CNBD1: variants seen among roughly 807,000 people sequenced by gnomAD.
CNBD1 encodes the protein cyclic nucleotide binding domain containing 1, also known as cyclic nucleotide-binding domain-containing protein 1.
In CNBD1, 71 loss-of-function variants were observed where a neutral mutation model predicts 54.4. The ratio of observed to expected loss-of-function variants is 1.30; its 90% CI spans 1.08 to 1.59. The LOEUF (loss-of-function observed/expected upper bound fraction) is 1.59. CNBD1 is among the 40% of genes most tolerant of loss of function. CNBD1 has a pLI of 0.00. For synonymous variants in CNBD1, 182 were observed against 170.7 expected (o/e 1.07, Z -0.51); for missense variants, 659 against 518.0 (o/e 1.27, Z -2.64).
At chr8:86,880,267 A>C (rs1011437539) in intron 1 of CNBD1, among the ~76,000 whole-genome samples, 1 of 152,194 alleles carries the variant, frequency 6.6e-6, no homozygotes, top group Non-Finnish European at 1.5e-5. Context: ...CAGGAGACAC[A>C]CAGTCAGTCT....
At chr8:87,016,254 C>A (rs1222856180) in intron 4 of CNBD1, among the ~76,000 whole-genome samples, 1 of 151,206 alleles carries the variant, frequency 6.6e-6, no homozygotes, top group Non-Finnish European at 1.5e-5. Flanking sequence ...ATGTTTAAAC[C>A]TTCAGGATTT....
At chr8:87,050,729 G>C (rs190912251) in intron 4 of CNBD1, among the ~76,000 whole-genome samples, 1 of 152,150 alleles carries the variant, frequency 6.6e-6, no homozygotes, top group African/African-American at 2.4e-5. Context: ...CAATTAATTC[G>C]AACCACAGCC....
intron 4 of CNBD1, among the ~76,000 whole-genome samples, chr8:87,081,052 T>G (rs901855216): frequency 2.6e-5 from 4 of 152,110 alleles, no homozygotes; most frequent in Non-Finnish European, 5.9e-5. Flanking sequence ...GTTTTGTGTT[T>G]AATTTGCTCT....
intron 4 of CNBD1, among the ~76,000 whole-genome samples, chr8:87,196,993 G>A (rs1462249441): frequency 6.6e-6 from 1 of 152,112 alleles, no homozygotes; most frequent in East Asian, 1.9e-4. Context: ...AGCTGGAATT[G>A]GGTCTAGAAA....
At chr8:87,164,804 C>G (rs1185615794) in intron 4 of CNBD1, among the ~76,000 whole-genome samples, 2 of 151,734 alleles carry the variant, frequency 1.3e-5, no homozygotes, top group Non-Finnish European at 2.9e-5. Context: ...ATTTATTACT[C>G]TCTTCCTTCT....
intron 5 of CNBD1, among the ~76,000 whole-genome samples, chr8:87,222,476 T>G (rs1487322347): frequency 6.6e-6 from 1 of 152,114 alleles, no homozygotes; most frequent in African/African-American, 2.4e-5. Context: ...GGAGGCCTGT[T>G]AATTAGGTTG....
At chr8:87,320,880 G>A (rs1006131279) in intron 8 of CNBD1, among the ~76,000 whole-genome samples, 1 of 151,830 alleles carries the variant, frequency 6.6e-6, no homozygotes, top group Non-Finnish European at 1.5e-5. Flanking sequence ...CACCTTCCCT[G>A]CAGCCCCTGG....
chr8:87,152,227 A>G (rs1812619340), intron 4 of CNBD1, among the ~76,000 whole-genome samples: 1 of 152,122 alleles, frequency 6.6e-6, no homozygotes, highest in African/African-American at 2.4e-5. Flanking sequence ...GGAGGGAGAC[A>G]TGAGTATAGT....
At chr8:86,958,626 T>A (rs1348392002) in intron 4 of CNBD1, among the ~76,000 whole-genome samples, 5 of 152,200 alleles carry the variant, frequency 3.3e-5, no homozygotes, top group Non-Finnish European at 5.9e-5. Flanking sequence ...TTAAAGTCTG[T>A]TTTATCAGAG....
At chr8:87,048,907 G>A (rs1810256033) in intron 4 of CNBD1, among the ~76,000 whole-genome samples, 1 of 152,186 alleles carries the variant, frequency 6.6e-6, no homozygotes, top group Non-Finnish European at 1.5e-5. Flanking sequence ...ATCTTTGGGT[G>A]CATTGATAAG....
intron 10 of CNBD1, among the ~76,000 whole-genome samples, chr8:87,370,004 T>A (rs1262272426): frequency 6.6e-6 from 1 of 152,086 alleles, no homozygotes; most frequent in Non-Finnish European, 1.5e-5. Flanking sequence ...TGCAATAGTT[T>A]ACTGAGAATG....
chr8:87,408,391 A>ATG lies in CNBD1; in HGVS notation c.214-20154_214-20153insGT, dbSNP rs1453637110. Reference sequence around the variant, plus strand: ...TCTGTTGCTTTATTTTTAGATACATATATGTGTGTGTGTGTGTGTATAGAC... The same window carrying ATG: ...TCTGTTGCTTTATTTTTAGATACATATGTATGTGTGTGTGTGTGTGTATAGAC... On this transcript the variant is annotated intron_variant, in intron 2 of 7. Coordinates refer to the CNBD1 transcript ENST00000521593. Among the ~76,000 whole-genome samples, 584 of 150,264 alleles carry ATG rather than the reference A, an allele frequency of 3.9e-3. 2 individuals are homozygous for ATG. Among genetic ancestry groups the ATG allele is most frequent in the African/African-American group, 0.013 (523 of 40,348 alleles).
At chr8:87,410,726 T>C (rs1161560254) in intron 2 of CNBD1, among the ~76,000 whole-genome samples, 1 of 152,142 alleles carries the variant, frequency 6.6e-6, no homozygotes, top group Admixed American at 6.6e-5. Context: ...GCATTGCTGC[T>C]ACAGAGGAAT....
At chr8:87,423,544 C>T (rs541117695) in intron 2 of CNBD1, among the ~76,000 whole-genome samples, 3,435 of 147,258 alleles carry the variant, frequency 0.023, 154 homozygotes, top group African/African-American at 0.085. Flanking sequence ...CATGTGGTTT[C>T]TGTCTTTGGC....
At chr8:87,079,991 A>G (rs188659113) in intron 4 of CNBD1, among the ~76,000 whole-genome samples, 3 of 152,316 alleles carry the variant, frequency 2.0e-5, no homozygotes, top group East Asian at 1.9e-4. Flanking sequence ...TTTGGATACA[A>G]TGTGAAGTAA....
intron 5 of CNBD1, among the ~76,000 whole-genome samples, chr8:87,226,515 G>A (rs1415717604): frequency 1.4e-5 from 2 of 146,634 alleles, no homozygotes; most frequent in Non-Finnish European, 3.0e-5. Context: ...AGTCATTCAG[G>A]AGCAGGTTGT....
At chr8:87,339,769 A>G (rs1395201532) in intron 8 of CNBD1, among the ~76,000 whole-genome samples, 1 of 152,152 alleles carries the variant, frequency 6.6e-6, no homozygotes, top group Non-Finnish European at 1.5e-5. Flanking sequence ...TAACAATTTA[A>G]GTGCAATTAC....
chr8:87,145,130 T>C (rs2130742535), intron 4 of CNBD1, among the ~76,000 whole-genome samples: 1 of 152,272 alleles, frequency 6.6e-6, no homozygotes, highest in Non-Finnish European at 1.5e-5. Flanking sequence ...AAAGAAATTT[T>C]TATTTAGGTG....
Position 87,163,499 on chromosome 8 carries a change from A to G in CNBD1, c.432-42494A>G, listed in dbSNP as rs1395955055. ...TGTGTCTTCTTCAATTTCCTATTCA[A>G]TGTGTACAGTTTTCTTACCTCCTTG... On this transcript the variant is annotated intron_variant, in intron 4 of 10. Transcript: ENST00000518476. The surrounding 1 kb of genome is among the most constrained non-coding windows in gnomAD (Gnocchi z 4.5). Among the ~76,000 whole-genome samples, 2 of 151,948 alleles carry G rather than the reference A, an allele frequency of 1.3e-5. No homozygotes were observed. Among genetic ancestry groups the G allele is most frequent in the African/African-American group, 4.8e-5 (2 of 41,422 alleles).
Sources: gnomAD v4.1 joint callset for allele counts (sites outside exome capture counted in the v4.1 genomes callset) on GRCh38, gnomAD v4.1.1 for gene constraint, Gnocchi (gnomAD v3.1) non-coding constraint, MANE v1.5 for transcripts, NCBI Gene and HGNC (gene_info 2026-07-23, HGNC 2026-07-21) for gene names.